RPLP2: variants seen among roughly 807,000 people sequenced by gnomAD.
RPLP2 encodes the protein large ribosomal subunit protein P2.
In RPLP2, 1 loss-of-function variant was observed where a neutral mutation model predicts 11.5. That is an observed-to-expected ratio of 0.09 (90% CI 0.03 to 0.41). The LOEUF (loss-of-function observed/expected upper bound fraction) is 0.41. Ranked by LOEUF, RPLP2 falls within the 10% of genes least tolerant of loss-of-function variation. The pLI is 0.98. For missense variants in RPLP2, 177 were observed against 145.6 expected (o/e 1.22, Z -1.11); for synonymous variants, 82 against 55.9 (o/e 1.47, Z -2.08).
rs1001550169 is a variant in RPLP2 at position 810,009 on chromosome 11, TCTCCGC to T, written c.-30_-25del. ...CCACCGAGGTCGCACGCGTGAGACT[TCTCCGC>T]CGCCTCCGCCGCAGACGCCGCCGCG... On this transcript the variant is annotated 5_prime_UTR_variant, in exon 1 of 5. Coordinates refer to ENST00000321153, the MANE Select transcript of RPLP2 (RefSeq NM_001004.4). 4.2e-6 allele frequency: 2 copies of T among 477,224 alleles called. No homozygotes were observed. Among genetic ancestry groups the T allele is most frequent in the Admixed American group, 4.6e-5 (1 of 21,976 alleles). The allele number at this position is 477,224 out of a possible 1,614,324, so 29.6% of individuals were successfully genotyped here.
chr11:811,639 G>C lies in RPLP2; in HGVS notation c.166G>C (p.Ala56Pro). 1.2e-6 allele frequency: 2 copies of C among 1,614,242 alleles called. No homozygotes were observed. The highest frequency in any genetic ancestry group is 1.7e-6 in the Non-Finnish European group (2 of 1,180,036). Residue 56 changes from alanine to proline, a missense_variant, in exon 3 of 5, where the codon GCC becomes CCC. Physicochemically the swap from Ala to Pro is conservative, Grantham distance 27. Coordinates refer to ENST00000321153, the MANE Select transcript of RPLP2 (RefSeq NM_001004.4). ...LNGKNIEDVI[A>P]QGIGKLASVP... is the part of the protein sequence containing the mutation. ...TGGAAAAAACATTGAAGACGTCATT[G>C]CCCAGGGTGAGTTGATGTGGACGGG...
In RPLP2 at chr11:812,848, C is replaced by T. The variant is rs1006959044; in HGVS notation, c.*12C>T. 6.2e-6 allele frequency: 10 copies of T among 1,612,082 alleles called. No homozygotes were observed. The highest frequency in any genetic ancestry group is 4.0e-5 in the African/African-American group (3 of 74,842). On this transcript the variant is annotated 3_prime_UTR_variant, in exon 5 of 5. Transcript: ENST00000321153. Reference sequence around the variant, plus strand: ...GCCTTTTTGATTAAATTCCTGCTCCCCTGCAAATAAAGCCTTTTTACACAT... The same window carrying T: ...GCCTTTTTGATTAAATTCCTGCTCCTCTGCAAATAAAGCCTTTTTACACAT...
rs371898043 is a variant in RPLP2, at chr11:812,765, G to A, written c.277G>A (p.Glu93Lys). The A allele has an allele frequency of 1.1e-5, 18 of 1,613,734 alleles. No homozygotes were observed. Among genetic ancestry groups the A allele is most frequent in the African/African-American group, 4.0e-5 (3 of 74,928 alleles). Residue 93 changes from glutamate to lysine, a missense_variant, in exon 5 of 5, where the codon GAG (glutamate) becomes AAG (lysine). Glu to Lys is a moderately conservative substitution (Grantham distance 56, BLOSUM62 1). Coordinates refer to ENST00000321153, the MANE Select transcript of RPLP2 (RefSeq NM_001004.4). ...GCCTCTCCTCTGTTCCACAGCAGAG[G>A]AGAAGAAAGATGAGAAGAAGGAGGA... ...AAGSAPAAAE[E>K]KKDEKKEESE... is the part of the protein sequence containing the mutation.
At chr11:811,690 C>T (rs1416371582) in intron 3 of RPLP2, 45 bp downstream of exon 3, 1 of 1,612,464 alleles carries the variant, frequency 6.2e-7, no homozygotes, top group Non-Finnish European at 8.5e-7. Context: ...ATGGTCCATC[C>T]TAATCCCTGC....
chr11:812,643 G>C lies in RPLP2; in HGVS notation c.271+10G>C. The C allele has an allele frequency of 4.3e-6, 7 of 1,610,774 alleles. No individual in the cohort carries two copies. In the East Asian group the frequency reaches 1.6e-4, roughly 36 times the overall value. Reference sequence around the variant, plus strand: ...TCTGCCCCTGCTGCAGGTAAGTGGTGGCCTGGTGAGTGGGCAAGGGGCTGG... The same window carrying C: ...TCTGCCCCTGCTGCAGGTAAGTGGTCGCCTGGTGAGTGGGCAAGGGGCTGG... On this transcript the variant is annotated intron_variant, in intron 4 of 4. Coordinates refer to ENST00000321153, the MANE Select transcript of RPLP2 (RefSeq NM_001004.4).
chr11:812,220 A>G (rs2133837587), intron 3 of RPLP2: 1 of 442,784 alleles, frequency 2.3e-6, no homozygotes, highest in Non-Finnish European at 4.2e-6. Context: ...CTGGGGCAGC[A>G]CACTCATTCC....
chr11:810,586 G>A (rs1235802249), intron 2 of RPLP2: 1 of 404,762 alleles, frequency 2.5e-6, no homozygotes, highest in Non-Finnish European at 4.4e-6. Context: ...CTGAGGTCAG[G>A]GGTTCGAGAC....
intron 2 of RPLP2, 102 bp from the exon 3 acceptor site, chr11:811,495 A>G (rs1261589506): frequency 2.8e-6 from 4 of 1,439,974 alleles, no homozygotes; most frequent in African/African-American, 1.4e-5. Context: ...TTCAGGGCCT[A>G]TTCCCATGTG....
chr11:812,673 C>T (rs771941205), intron 4 of RPLP2, 40 bp downstream of exon 4: 3 of 1,612,052 alleles, frequency 1.9e-6, no homozygotes, highest in Non-Finnish European at 2.5e-6. Context: ...GGCTGGGGCT[C>T]AGACGGTGTT....
At position 812,793 on chromosome 11, in the gene RPLP2, CTGA is replaced by C. The variant is rs1162899990; in HGVS notation, c.306_308del (p.Glu104del). ...AAGAAAGATGAGAAGAAGGAGGAGT[CTGA>C]AGAGTCAGATGATGACATGGGATTT... is the stretch of plus-strand genomic sequence containing the variant. On this transcript the variant is annotated inframe_deletion, in exon 5 of 5. Coordinates refer to ENST00000321153, the MANE Select transcript of RPLP2 (RefSeq NM_001004.4). 6.2e-7 allele frequency: 1 copy of C among 1,613,778 alleles called. No homozygotes were observed. The highest frequency in any genetic ancestry group is 2.2e-5 in the East Asian group (1 of 44,886).
intron 3 of RPLP2, chr11:812,059 TTTTGTTGGC>T (rs1866083028): frequency 2.6e-6 from 1 of 384,444 alleles, no homozygotes; most frequent in Non-Finnish European, 5.0e-6. Flanking sequence ...GCAGATGGTT[TTTTGTTGGC>T]TTCAGCTGAG....
intron 2 of RPLP2, 165 bp downstream of exon 2, chr11:810,522 G>C (rs959536333): frequency 1.2e-5 from 7 of 601,950 alleles, no homozygotes; most frequent in Non-Finnish European, 1.4e-5. Flanking sequence ...GGTCGGGCGC[G>C]GTGGCTCACG....
At chr11:810,183 C>T (rs1273466906) in intron 1 of RPLP2, 51 bp from the exon 2 acceptor site, 4 of 1,444,244 alleles carry the variant, frequency 2.8e-6, no homozygotes, top group South Asian at 1.4e-5. Flanking sequence ...GATGGGCCGG[C>T]AGGAGGCCGC....
intron 2 of RPLP2, 137 bp from the exon 3 acceptor site, chr11:811,460 C>A: frequency 1.0e-6 from 1 of 965,232 alleles, no homozygotes; most frequent in Non-Finnish European, 1.6e-6. Flanking sequence ...TGGTGGCTCC[C>A]TTTGGGCAGT....
chr11:812,384 G>A (rs1866090351), intron 3 of RPLP2, 151 bp from the exon 4 acceptor site: 2 of 963,992 alleles, frequency 2.1e-6, no homozygotes, highest in Admixed American at 2.2e-5. Flanking sequence ...GGCTCAGGGA[G>A]GGAGTGTTCA....
intron 3 of RPLP2, chr11:812,056 G>T: frequency 5.2e-6 from 2 of 385,992 alleles, no homozygotes; most frequent in Non-Finnish European, 4.9e-6. Context: ...TGGGCAGATG[G>T]TTTTTTGTTG....
intron 2 of RPLP2, among the ~76,000 whole-genome samples, chr11:810,791 G>GAAAA (rs35176006): frequency 8.6e-6 from 1 of 116,346 alleles, no homozygotes. Flanking sequence ...GTCTCAAAAG[G>GAAAA]AAAAAAAAAA....
At chr11:811,279 C>A in intron 2 of RPLP2, 1 of 408,688 alleles carries the variant, frequency 2.4e-6, no homozygotes, top group Non-Finnish European at 4.6e-6. Flanking sequence ...GATCCTACCA[C>A]TGCACTCCAG....
At chr11:812,099 G>A (rs955666624) in intron 3 of RPLP2, 13 of 376,616 alleles carry the variant, frequency 3.5e-5, no homozygotes, top group Non-Finnish European at 6.1e-5. Flanking sequence ...TTGTTTGGAA[G>A]TTGAGCTGTT....
Sources: allele counts gnomAD v4.1 joint callset (sites outside exome capture counted in the v4.1 genomes callset), GRCh38; gene constraint gnomAD v4.1.1; transcripts MANE v1.5; gene names NCBI Gene and HGNC (gene_info 2026-07-23, HGNC 2026-07-21).